The following GPATCH2 variants were observed in gnomAD, a reference collection of about 807,000 sequenced individuals.
The protein encoded by GPATCH2 is G-patch domain containing 2, also known as G patch domain-containing protein 2.
In GPATCH2, 51 loss-of-function variants were observed where a neutral mutation model predicts 58.0. That is an observed-to-expected ratio of 0.88 (90% CI 0.70 to 1.11). The LOEUF is 1.11. GPATCH2 is among the 50% of genes most tolerant of loss of function. GPATCH2 has a pLI of 0.00. For synonymous variants in GPATCH2, 222 were observed against 218.5 expected (o/e 1.02, Z -0.14); for missense variants, 625 against 652.2 (o/e 0.96, Z 0.45).
intron 5 of GPATCH2, among the ~76,000 whole-genome samples, chr1:217,550,742 T>C (rs1023010934): frequency 6.6e-6 from 1 of 151,898 alleles, no homozygotes; most frequent in African/African-American, 2.4e-5. Flanking sequence ...GATTTTAAAA[T>C]CATTTTTAAC....
intron 5 of GPATCH2, among the ~76,000 whole-genome samples, chr1:217,520,529 G>T (rs1663399272): frequency 6.6e-6 from 1 of 152,114 alleles, no homozygotes; most frequent in African/African-American, 2.4e-5. Context: ...TGACTTTTAG[G>T]AAAAGACTTT....
intron 5 of GPATCH2, among the ~76,000 whole-genome samples, chr1:217,584,637 T>C (rs774830250): frequency 6.6e-6 from 1 of 151,722 alleles, no homozygotes; most frequent in Non-Finnish European, 1.5e-5. Flanking sequence ...CAGCAAAATT[T>C]CAAAGACATC....
chr1:217,450,249 C>T (rs1034914445), intron 8 of GPATCH2, among the ~76,000 whole-genome samples: 1 of 151,860 alleles, frequency 6.6e-6, no homozygotes, highest in African/African-American at 2.4e-5. Context: ...TTTATGACAA[C>T]CCATGTTCTT....
intron 5 of GPATCH2, among the ~76,000 whole-genome samples, chr1:217,598,453 A>AAT (rs1192203009): frequency 9.5e-5 from 14 of 147,040 alleles, no homozygotes; most frequent in South Asian, 2.2e-4. Flanking sequence ...ATTAAAAAAA[A>AAT]TTTTTTTTTT....
rs1011709976 is a variant in GPATCH2 at position 217,566,547 on chromosome 1, G to C, written c.1098+43774C>G. Among the ~76,000 whole-genome samples, 4 of 152,092 alleles carry C rather than the reference G, an allele frequency of 2.6e-5. No homozygotes were observed. In the East Asian group the frequency reaches 7.7e-4, roughly 29 times the overall value. On this transcript the variant is annotated intron_variant, in intron 5 of 9. Coordinates refer to ENST00000366935, the MANE Select transcript of GPATCH2 (RefSeq NM_018040.5). ...AAATCAATACATGGGCAAAAGATAT[G>C]AATGAATATCACATCCAGTATATGA... is the stretch of plus-strand genomic sequence containing the variant.
At chr1:217,555,726 C>T (rs887730842) in intron 5 of GPATCH2, among the ~76,000 whole-genome samples, 8 of 152,142 alleles carry the variant, frequency 5.3e-5, no homozygotes, top group East Asian at 1.9e-4. Context: ...ACTTTTCCTC[C>T]TCTGCTGATC....
At chr1:217,548,745 T>C (rs1159953688) in intron 5 of GPATCH2, among the ~76,000 whole-genome samples, 2 of 152,124 alleles carry the variant, frequency 1.3e-5, no homozygotes, top group African/African-American at 4.8e-5. Context: ...TGAGTTCTCA[T>C]GAGATCTGAT....
intron 5 of GPATCH2, among the ~76,000 whole-genome samples, chr1:217,565,482 T>C (rs1218471634): frequency 6.6e-6 from 1 of 152,110 alleles, no homozygotes; most frequent in Non-Finnish European, 1.5e-5. Flanking sequence ...ATCATAATAG[T>C]GATGAGCAAA....
chr1:217,519,995 T>G (rs1283921776), intron 5 of GPATCH2, among the ~76,000 whole-genome samples: 1 of 152,190 alleles, frequency 6.6e-6, no homozygotes, highest in Non-Finnish European at 1.5e-5. Context: ...TTTTTAAACA[T>G]GAAAAATATT....
At chr1:217,501,121 C>G (rs1037474990) in intron 6 of GPATCH2, among the ~76,000 whole-genome samples, 3 of 151,996 alleles carry the variant, frequency 2.0e-5, no homozygotes, top group African/African-American at 7.2e-5. Flanking sequence ...ACATTGAATC[C>G]CTGTTAACCC....
intron 8 of GPATCH2, among the ~76,000 whole-genome samples, chr1:217,466,623 C>T (rs1280179128): frequency 6.6e-6 from 1 of 152,088 alleles, no homozygotes; most frequent in Non-Finnish European, 1.5e-5. Context: ...ATGAGGCCAG[C>T]TAACTTCAAT....
rs114711778 is a variant in GPATCH2, at chr1:217,451,791, T to G, written c.1278-2454A>C. ...GGGAATAAAGTGGGAATCTGAATTC[T>G]GCAGTGCGGGTCTTCTGTAATCAAG... On this transcript the variant is annotated intron_variant, in intron 8 of 9. Transcript: ENST00000366935. Among the ~76,000 whole-genome samples, 1,134 of 152,304 alleles carry G rather than the reference T, an allele frequency of 7.4e-3. 10 individuals are homozygous for G. Among genetic ancestry groups the G allele is most frequent in the African/African-American group, 0.025 (1,034 of 41,560 alleles).
chr1:217,557,004 T>C (rs992036808), intron 5 of GPATCH2, among the ~76,000 whole-genome samples: 5 of 152,268 alleles, frequency 3.3e-5, no homozygotes, highest in Non-Finnish European at 7.3e-5. Context: ...ATATTCGTTC[T>C]TTACTTTCGC....
chr1:217,449,366 A>C, intron 8 of GPATCH2, 29 bp from the exon 9 acceptor site: 1 of 1,302,868 alleles, frequency 7.7e-7, no homozygotes, highest in Non-Finnish European at 1.1e-6. Flanking sequence ...AAAAACTATT[A>C]ACAAAGAAGA....
intron 5 of GPATCH2, among the ~76,000 whole-genome samples, chr1:217,527,448 A>T (rs1296893377): frequency 6.7e-6 from 1 of 149,646 alleles, no homozygotes; most frequent in Non-Finnish European, 1.5e-5. Flanking sequence ...TTTGTACTTC[A>T]TGGTGCCTGG....
chr1:217,516,865 C>T (rs1663185194), intron 5 of GPATCH2, among the ~76,000 whole-genome samples: 1 of 152,098 alleles, frequency 6.6e-6, no homozygotes, highest in South Asian at 2.1e-4. Context: ...TGTTTGTTTA[C>T]CTGAAGCTAT....
intron 5 of GPATCH2, among the ~76,000 whole-genome samples, chr1:217,571,909 G>A (rs1436389182): frequency 6.8e-6 from 1 of 147,372 alleles, no homozygotes; most frequent in Non-Finnish European, 1.5e-5. Flanking sequence ...CAGAAAGACA[G>A]AAAGAAAGAC....
chr1:217,514,084 C>T (rs888805290), intron 6 of GPATCH2, among the ~76,000 whole-genome samples: 2 of 151,798 alleles, frequency 1.3e-5, no homozygotes, highest in African/African-American at 4.8e-5. Flanking sequence ...GCCTTGGCCT[C>T]CCAAAGTGCT....
chr1:217,524,683 A>T (rs543559020), intron 5 of GPATCH2, among the ~76,000 whole-genome samples: 1,663 of 150,982 alleles, frequency 0.011, 38 homozygotes, highest in African/African-American at 0.039. Context: ...ACACAGCGAA[A>T]CCCCGTCTCC....
Sources: allele counts gnomAD v4.1 joint callset (sites outside exome capture counted in the v4.1 genomes callset), GRCh38; gene constraint gnomAD v4.1.1; transcripts MANE v1.5; gene names NCBI Gene and HGNC (gene_info 2026-07-23, HGNC 2026-07-21).